GALNT13: variants seen among roughly 807,000 people sequenced by gnomAD.
GALNT13 encodes the protein UDP-GalNAc:polypeptide N-acetylgalactosaminyltransferase 13.
A neutral mutation model predicts 64.2 loss-of-function variants in GALNT13; 28 were observed. The observed-to-expected ratio is 0.44, with a 90% CI of 0.32 to 0.60. The LOEUF (loss-of-function observed/expected upper bound fraction) is 0.60. Among genes scored for constraint, GALNT13 ranks in the 20% least tolerant of loss-of-function variants. The pLI, the probability that GALNT13 is intolerant of heterozygous loss-of-function variation, is 0.05. For missense variants in GALNT13, 577 were observed against 669.8 expected, an observed-to-expected ratio of 0.86 and a Z score of 1.53; for synonymous variants, 214 against 224.6, an observed-to-expected ratio of 0.95 and a Z score of 0.42.
At chr2:153,361,156 G>C in the GALNT13 span, among the ~76,000 whole-genome samples, 1 of 152,000 alleles carries the variant, frequency 6.6e-6, no homozygotes, top group South Asian at 2.1e-4. Flanking sequence ...ACCATTGAAA[G>C]AAAAACAAAC....
the GALNT13 span, among the ~76,000 whole-genome samples, chr2:153,158,174 A>G: frequency 3.3e-5 from 5 of 152,296 alleles, no homozygotes; most frequent in South Asian, 1.0e-3. Context: ...TTCTGGTTGA[A>G]TTAATTTTGT....
the GALNT13 span, among the ~76,000 whole-genome samples, chr2:153,164,715 A>G: frequency 6.6e-6 from 1 of 152,148 alleles, no homozygotes; most frequent in Non-Finnish European, 1.5e-5. Flanking sequence ...CTCTTAACAT[A>G]TTTTAAAGTG....
chr2:154,152,380 A>G lies in GALNT13; in HGVS notation c.311+11875A>G, dbSNP rs1174748507. On this transcript the variant is annotated intron_variant, in intron 4 of 12. Transcript: ENST00000392825. ...CCCTTAACATTTTTTCCTTCATTTC[A>G]GCTTTGGTGAATCTGACAATTATGT... Among the ~76,000 whole-genome samples, 4 of 151,946 alleles carry G rather than the reference A, an allele frequency of 2.6e-5. No homozygotes were observed. In the East Asian group the frequency reaches 7.7e-4, roughly 29 times the overall value.
chr2:153,715,467 A>C, the GALNT13 span, among the ~76,000 whole-genome samples: 2 of 152,362 alleles, frequency 1.3e-5, no homozygotes, highest in East Asian at 3.9e-4. Context: ...ATTGCCTTTT[A>C]GCAGCTTTAA....
At chr2:153,804,086 G>T in the GALNT13 span, among the ~76,000 whole-genome samples, 11 of 152,322 alleles carry the variant, frequency 7.2e-5, no homozygotes, top group Admixed American at 3.3e-4. Flanking sequence ...GAAAAGGAAT[G>T]TTGGGATTGA....
chr2:153,139,349 A>C, the GALNT13 span, among the ~76,000 whole-genome samples: 1 of 152,008 alleles, frequency 6.6e-6, no homozygotes, highest in Non-Finnish European at 1.5e-5. Context: ...CATAGTGCTC[A>C]AATGTCCTTT....
chr2:153,839,740 C>A, the GALNT13 span, among the ~76,000 whole-genome samples: 1 of 151,358 alleles, frequency 6.6e-6, no homozygotes, highest in Non-Finnish European at 1.5e-5. Context: ...TTTTTTTAAT[C>A]ATTGGTACAA....
At chr2:154,159,703 T>G (rs992408087) in intron 4 of GALNT13, among the ~76,000 whole-genome samples, 1 of 152,082 alleles carries the variant, frequency 6.6e-6, no homozygotes, top group Non-Finnish European at 1.5e-5. Context: ...CAGGACAGTT[T>G]AGCCTGGAGC....
chr2:153,378,510 A>G, the GALNT13 span, among the ~76,000 whole-genome samples: 40 of 152,152 alleles, frequency 2.6e-4, no homozygotes, highest in Non-Finnish European at 3.7e-4. Flanking sequence ...ATCATGGCCA[A>G]GAAGTCAAGG....
At chr2:154,031,538 T>C (rs1698339430) in intron 3 of GALNT13, among the ~76,000 whole-genome samples, 1 of 151,848 alleles carries the variant, frequency 6.6e-6, no homozygotes, top group Admixed American at 6.6e-5. Context: ...TATGGATATA[T>C]ATAGAAAAGT....
intron 8 of GALNT13, among the ~76,000 whole-genome samples, chr2:154,298,482 T>TATATATAAATTATATATAC (rs1241641186): frequency 8.8e-6 from 1 of 114,274 alleles, no homozygotes; most frequent in East Asian, 2.4e-4. Flanking sequence ...ATATATAAAT[T>TATATATAAATTATATATAC]ATATATAAAT....
the GALNT13 span, among the ~76,000 whole-genome samples, chr2:153,144,434 C>G: frequency 1.3e-5 from 2 of 151,980 alleles, no homozygotes; most frequent in East Asian, 3.9e-4. Flanking sequence ...CTTCTTAAGT[C>G]TTCTTGGGCT....
chr2:153,393,963 C>A, the GALNT13 span, among the ~76,000 whole-genome samples: 66 of 94,062 alleles, frequency 7.0e-4, no homozygotes, highest in South Asian at 9.0e-3. Flanking sequence ...CACACACACA[C>A]ACACACACAC....
the GALNT13 span, among the ~76,000 whole-genome samples, chr2:153,304,377 G>T: frequency 2.0e-5 from 3 of 152,020 alleles, no homozygotes. Flanking sequence ...AAATAAAATT[G>T]ATTGACCATC....
intron 11 of GALNT13, among the ~76,000 whole-genome samples, chr2:154,428,184 G>C (rs1024161695): frequency 1.3e-5 from 2 of 152,140 alleles, no homozygotes; most frequent in African/African-American, 4.8e-5. Context: ...TAAATAATGG[G>C]TGTGTAAAGA....
intron 12 of GALNT13, among the ~76,000 whole-genome samples, chr2:154,441,474 T>A (rs1448063840): frequency 6.6e-6 from 1 of 152,140 alleles, no homozygotes; most frequent in Admixed American, 6.6e-5. Flanking sequence ...TTGTTGGAGT[T>A]CATAGAATTA....
At chr2:154,343,413 T>G (rs1695883400) in intron 9 of GALNT13, among the ~76,000 whole-genome samples, 1 of 151,826 alleles carries the variant, frequency 6.6e-6, no homozygotes, top group African/African-American at 2.4e-5. Context: ...ATTAGGAAAA[T>G]TTTCAAACTG....
At chr2:154,045,651 T>C (rs1699239484) in intron 3 of GALNT13, among the ~76,000 whole-genome samples, 1 of 152,200 alleles carries the variant, frequency 6.6e-6, no homozygotes, top group Admixed American at 6.5e-5. Flanking sequence ...ATGCTGCTTT[T>C]TCCTAGGCAG....
intron 3 of GALNT13, among the ~76,000 whole-genome samples, chr2:153,952,659 T>C (rs1342358265): frequency 1.3e-5 from 2 of 152,050 alleles, no homozygotes; most frequent in Admixed American, 6.6e-5. Flanking sequence ...ATAGGATAGA[T>C]GTATATATAA....
Sources: gnomAD v4.1 joint callset for allele counts (sites outside exome capture counted in the v4.1 genomes callset) on GRCh38, gnomAD v4.1.1 for gene constraint, MANE v1.5 for transcripts, NCBI Gene and HGNC (gene_info 2026-07-23, HGNC 2026-07-21) for gene names.